Variants in TPRG1 observed in about 807,000 individuals in gnomAD.
The protein encoded by TPRG1 is tumor protein p63-regulated gene 1 protein.
In TPRG1, 29 loss-of-function variants were observed where a neutral mutation model predicts 29.3. That is an observed-to-expected ratio of 0.99 (90% confidence interval 0.74 to 1.35). The LOEUF is 1.35. Among genes scored for constraint, TPRG1 ranks in the 40% most tolerant of loss-of-function variants. TPRG1 has a pLI of 0.00. For missense variants in TPRG1, 327 were observed against 335.0 expected, an observed-to-expected ratio of 0.98 and a Z score of 0.19; for synonymous variants, 130 against 116.8, an observed-to-expected ratio of 1.11 and a Z score of -0.73.
chr3:189,266,629 C>T (rs1714141780), intron 4 of TPRG1, among the ~76,000 whole-genome samples: 1 of 152,098 alleles, frequency 6.6e-6, no homozygotes, highest in Admixed American at 6.6e-5. Context: ...TCTCACAATT[C>T]AGGCCAAGCT....
At chr3:189,198,771 A>G (rs1732978861) in intron 1 of TPRG1, among the ~76,000 whole-genome samples, 2 of 152,216 alleles carry the variant, frequency 1.3e-5, no homozygotes, top group South Asian at 4.1e-4. Context: ...AATGGTGATT[A>G]CAGAATAGTA....
chr3:189,112,801 A>C (rs1720696361), intron 1 of TPRG1, among the ~76,000 whole-genome samples: 1 of 152,158 alleles, frequency 6.6e-6, no homozygotes, highest in Non-Finnish European at 1.5e-5. Flanking sequence ...GTTTGAATTC[A>C]GGTAGCGTGA....
At chr3:189,010,752 C>A (rs1425172039) in intron 3 of TPRG1, among the ~76,000 whole-genome samples, 1 of 152,132 alleles carries the variant, frequency 6.6e-6, no homozygotes, top group East Asian at 1.9e-4. Flanking sequence ...TTGACAATTT[C>A]TTTTGCTGTG....
chr3:189,100,021 C>T (rs1718997904), upstream of TPRG1: 1 of 152,248 alleles, frequency 6.6e-6, no homozygotes, highest in Non-Finnish European at 1.5e-5. Flanking sequence ...GCTACGTTCC[C>T]TTTCACGAAT....
chr3:189,174,015 G>T (rs1001603610), intron 1 of TPRG1, among the ~76,000 whole-genome samples: 2 of 152,176 alleles, frequency 1.3e-5, no homozygotes, highest in Non-Finnish European at 2.9e-5. Context: ...TGGGCAAGAG[G>T]TGGTGGCATC....
intron 1 of TPRG1, among the ~76,000 whole-genome samples, chr3:189,179,187 AT>A (rs758462516): frequency 1.4e-4 from 22 of 152,116 alleles, no homozygotes; most frequent in Non-Finnish European, 3.2e-4. Flanking sequence ...CACAGTTAAG[AT>A]TCTTTCTTTT....
At position 189,206,128 on chromosome 3, in the gene TPRG1, CTTCCT is replaced by C. The variant is rs200061510; in HGVS notation, c.-9-1236_-9-1232del. Among the ~76,000 whole-genome samples, 1,028 of 135,962 alleles carry C rather than the reference CTTCCT, an allele frequency of 7.6e-3. 14 individuals carry two copies. Among genetic ancestry groups the C allele is most frequent in the African/African-American group, 0.026 (971 of 36,904 alleles). 89.2% of individuals were successfully genotyped at this position (135,962 alleles called of 152,430 possible). ...TCTTTCTTTCTTCTCTTTTTTCCTTCTTCCTTTCCTTTCCTTCTTTATCTTTCTTC... is the reference window on the plus strand; with the variant it reads ...TCTTTCTTTCTTCTCTTTTTTCCTTCTTCCTTTCCTTCTTTATCTTTCTTC... On this transcript the variant is annotated intron_variant, in intron 1 of 5. Transcript: ENST00000345063.
chr3:189,088,604 AT>A (rs1718119969), intron 4 of TPRG1, among the ~76,000 whole-genome samples: 1 of 152,194 alleles, frequency 6.6e-6, no homozygotes, highest in African/African-American at 2.4e-5. Flanking sequence ...TTAACTGTTT[AT>A]TTCAGTTACT....
chr3:189,022,867 A>G (rs948547380), intron 3 of TPRG1, among the ~76,000 whole-genome samples: 6 of 152,202 alleles, frequency 3.9e-5, no homozygotes, highest in South Asian at 2.1e-4. Flanking sequence ...CTGCTGTGCT[A>G]GCAATCAGCG....
intron 1 of TPRG1, among the ~76,000 whole-genome samples, chr3:188,999,086 G>A (rs939193139): frequency 6.6e-6 from 1 of 152,192 alleles, no homozygotes; most frequent in East Asian, 1.9e-4. Flanking sequence ...TTTGGCTATT[G>A]TGTGGAAAGG....
At chr3:189,069,793 G>A (rs1017546559) in intron 4 of TPRG1, among the ~76,000 whole-genome samples, 1 of 152,118 alleles carries the variant, frequency 6.6e-6, no homozygotes, top group Non-Finnish European at 1.5e-5. Context: ...TACATACTAT[G>A]GAATACTACT....
intron 3 of TPRG1, among the ~76,000 whole-genome samples, chr3:189,134,440 C>A (rs1723491699): frequency 7.6e-6 from 1 of 131,532 alleles, no homozygotes; most frequent in Non-Finnish European, 1.6e-5. Flanking sequence ...TGAGACAGAG[C>A]CTCTCTTTGT....
At chr3:189,236,610 A>G (rs992990212) in intron 3 of TPRG1, among the ~76,000 whole-genome samples, 1 of 152,128 alleles carries the variant, frequency 6.6e-6, no homozygotes, top group Non-Finnish European at 1.5e-5. Context: ...TCACAATACC[A>G]CTAACTGTAC....
chr3:189,027,527 G>A (rs1256503517), intron 4 of TPRG1, among the ~76,000 whole-genome samples: 1 of 152,200 alleles, frequency 6.6e-6, no homozygotes, highest in African/African-American at 2.4e-5. Context: ...CATGGTGTAT[G>A]CAAGACAAGC....
At chr3:189,184,431 G>A (rs1014745678) in intron 1 of TPRG1, among the ~76,000 whole-genome samples, 1 of 152,140 alleles carries the variant, frequency 6.6e-6, no homozygotes, top group Non-Finnish European at 1.5e-5. Flanking sequence ...TGTTTAAGTA[G>A]AAAAATGATA....
At chr3:189,002,866 C>T (rs1712097323) in intron 2 of TPRG1, among the ~76,000 whole-genome samples, 1 of 152,140 alleles carries the variant, frequency 6.6e-6, no homozygotes. Context: ...ATTGACCTGT[C>T]AGCACCTTAC....
intron 4 of TPRG1, among the ~76,000 whole-genome samples, chr3:189,068,787 AAAGG>A (rs781768780): frequency 2.0e-4 from 30 of 152,178 alleles, no homozygotes; most frequent in Non-Finnish European, 3.5e-4. Flanking sequence ...AAAAAGAGAA[AAAGG>A]AAGGAAGGAA....
At chr3:189,008,850 A>C (rs1465780182) in intron 3 of TPRG1, among the ~76,000 whole-genome samples, 1 of 152,140 alleles carries the variant, frequency 6.6e-6, no homozygotes, top group Admixed American at 6.6e-5. Flanking sequence ...ACACAATAAA[A>C]TATTGTCTCT....
chr3:189,059,062 G>A (rs886988761), intron 4 of TPRG1, among the ~76,000 whole-genome samples: 4 of 152,046 alleles, frequency 2.6e-5, no homozygotes, highest in African/African-American at 7.2e-5. Flanking sequence ...TTCTGGCTCC[G>A]TTGCTTGCTA....
Sources: allele counts gnomAD v4.1 joint callset (sites outside exome capture counted in the v4.1 genomes callset), GRCh38; gene constraint gnomAD v4.1.1; transcripts MANE v1.5; gene names NCBI Gene and HGNC (gene_info 2026-07-23, HGNC 2026-07-21).